Variants in LRP1B observed in about 807,000 individuals in gnomAD.
LRP1B encodes the protein LDL receptor related protein 1B, also known as low-density lipoprotein receptor-related protein 1B.
Under a neutral mutation model 556.6 loss-of-function variants are expected in LRP1B, and 217 were observed. That is an observed-to-expected ratio of 0.39 (90% CI 0.35 to 0.44). The LOEUF (loss-of-function observed/expected upper bound fraction) is 0.44, where lower values mean the gene tolerates loss of function less well. Ranked by LOEUF, LRP1B falls within the 20% of genes least tolerant of loss-of-function variation. The probability of loss-of-function intolerance (pLI) is 1.00; values close to 1 mark genes in which losing one functional copy is unlikely to be tolerated. For missense variants in LRP1B, 5,053 were observed against 5,620.8 expected (o/e 0.90, Z 3.23); for synonymous variants, 2,047 against 1,865.8 (o/e 1.10, Z -2.50).
intron 82 of LRP1B, among the ~76,000 whole-genome samples, chr2:140,318,876 A>G (rs1423766659): frequency 6.6e-6 from 1 of 152,184 alleles, no homozygotes; most frequent in Non-Finnish European, 1.5e-5. Flanking sequence ...GTCTACAAAC[A>G]TACATAGAAT....
intron 43 of LRP1B, among the ~76,000 whole-genome samples, chr2:140,588,966 GA>G (rs34845216): frequency 0.64 from 86,064 of 134,162 alleles, 25,663 homozygotes; most frequent in South Asian, 0.74. Flanking sequence ...CCGTCTCAAA[GA>G]AAAAAAAAAA....
chr2:140,867,940 T>C, intron 26 of LRP1B, 106 bp from the exon 27 acceptor site: 2 of 1,322,184 alleles, frequency 1.5e-6, no homozygotes, highest in East Asian at 2.5e-5. Flanking sequence ...TTTATAAATA[T>C]TTTTATGGGT....
At chr2:142,020,834 G>A (rs1703305033) in intron 1 of LRP1B, among the ~76,000 whole-genome samples, 1 of 152,152 alleles carries the variant, frequency 6.6e-6, no homozygotes, top group African/African-American at 2.4e-5. Flanking sequence ...TTAATTTCAG[G>A]ATTTAGCATT....
intron 18 of LRP1B, among the ~76,000 whole-genome samples, chr2:140,974,488 T>C (rs527354631): frequency 6.6e-6 from 1 of 152,208 alleles, no homozygotes; most frequent in Admixed American, 6.5e-5. Flanking sequence ...TTATTTATAC[T>C]GTGAAAACTA....
intron 1 of LRP1B, among the ~76,000 whole-genome samples, chr2:141,989,319 C>T (rs758340898): frequency 2.6e-5 from 4 of 151,906 alleles, no homozygotes; most frequent in Middle Eastern, 3.4e-3. Context: ...TGATTTCTTC[C>T]TCTGATGACT....
intron 55 of LRP1B, 139 bp downstream of exon 55, chr2:140,501,548 C>T: frequency 2.0e-6 from 1 of 499,602 alleles, no homozygotes; most frequent in Non-Finnish European, 3.3e-6. Context: ...ATTATGGTAT[C>T]TTCATATCGA....
chr2:140,711,377 T>G (rs1028038862), intron 37 of LRP1B, among the ~76,000 whole-genome samples: 3 of 151,990 alleles, frequency 2.0e-5, no homozygotes, highest in Non-Finnish European at 2.9e-5. Flanking sequence ...CATAGAGCTG[T>G]GTTGGTCACT....
chr2:141,239,434 A>G lies in LRP1B; in HGVS notation c.592+7792T>C, dbSNP rs149058336. On this transcript the variant is annotated intron_variant, in intron 5 of 90. Transcript: ENST00000389484. The stretch of plus-strand genomic sequence containing the variant: ...AAATGGAGAAGTAGCTGGACAGGAA[A>G]ATAGGTTTAAAGGAAGTTGTTTTGC... Among the ~76,000 whole-genome samples the G allele has an allele frequency of 6.3e-3, 955 of 152,234 alleles. 3 individuals carry two copies. The highest frequency in any genetic ancestry group is 0.02 in the Middle Eastern group (6 of 294).
rs537895415 is a variant in LRP1B at position 140,787,092 on chromosome 2, C to T, written c.5360-10854G>A. On this transcript the variant is annotated intron_variant, in intron 32 of 90. Coordinates refer to ENST00000389484, the MANE Select transcript of LRP1B (RefSeq NM_018557.3). ...AGAACTACTCAGCTAACAGAGCAAA[C>T]TATTTAAACATTTTAATTTAATACA... Among the ~76,000 whole-genome samples the T allele has an allele frequency of 9.6e-4, 146 of 152,314 alleles. No individual in the cohort carries two copies. In the Middle Eastern group the frequency reaches 0.027, roughly 28 times the overall value.
At chr2:140,464,225 TA>T (rs1000055507) in intron 60 of LRP1B, among the ~76,000 whole-genome samples, 15 of 151,312 alleles carry the variant, frequency 9.9e-5, no homozygotes, top group African/African-American at 2.2e-4. Flanking sequence ...ATAAATAAAA[TA>T]AAAAAAGAAA....
chr2:140,370,974 T>C lies in LRP1B; in HGVS notation c.10876-132A>G, dbSNP rs570021165. ...CTTTCTTTCATTTTGTCTTAATGAA[T>C]ATAACTTCTACAAATGAGAATGAGC... On this transcript the variant is annotated intron_variant, in intron 70 of 90. Coordinates refer to ENST00000389484, the MANE Select transcript of LRP1B (RefSeq NM_018557.3). 23 of 1,033,048 alleles carry C rather than the reference T, an allele frequency of 2.2e-5. No individual in the cohort carries two copies. The African/African-American group carries it at 2.4e-4, about 11-fold the overall frequency. The allele number at this position is 1,033,048 out of a possible 1,614,324, so 64.0% of individuals were successfully genotyped here. A position where few individuals can be genotyped will look rare whatever the true frequency, so the allele number is the denominator to read the frequency against.
At chr2:142,017,661 G>T (rs1263981562) in intron 1 of LRP1B, among the ~76,000 whole-genome samples, 1 of 152,060 alleles carries the variant, frequency 6.6e-6, no homozygotes, top group African/African-American at 2.4e-5. Context: ...GATCACTTGT[G>T]CCCAAGAGTT....
chr2:142,059,379 TG>T (rs1328613083), intron 1 of LRP1B, among the ~76,000 whole-genome samples: 1 of 152,144 alleles, frequency 6.6e-6, no homozygotes, highest in African/African-American at 2.4e-5. Context: ...ATGTCAATAT[TG>T]TTTGTTCCTT....
At chr2:141,052,720 C>G (rs1012840176) in intron 10 of LRP1B, among the ~76,000 whole-genome samples, 2 of 152,000 alleles carry the variant, frequency 1.3e-5, no homozygotes, top group African/African-American at 4.8e-5. Flanking sequence ...TTATTGCAAC[C>G]TCTGCCACCT....
intron 3 of LRP1B, among the ~76,000 whole-genome samples, chr2:141,390,662 G>A (rs959985620): frequency 6.6e-6 from 1 of 152,164 alleles, no homozygotes; most frequent in Non-Finnish European, 1.5e-5. Flanking sequence ...ATTATGCTAA[G>A]TGAAAGAAGC....
At chr2:140,402,799 G>T (rs569585085) in intron 66 of LRP1B, among the ~76,000 whole-genome samples, 1 of 152,258 alleles carries the variant, frequency 6.6e-6, no homozygotes, top group South Asian at 2.1e-4. Context: ...TCTACCCAGG[G>T]ATACCTCCTC....
rs145855471 is a variant in LRP1B at position 141,336,732 on chromosome 2, T to C, written c.344-82091A>G. ...AGTCATAATTTCTCCCTAATCCTAA[T>C]CACTATCAACCCCTGATTTGATTTC... On this transcript the variant is annotated intron_variant, in intron 3 of 90. Transcript: ENST00000389484. Among the ~76,000 whole-genome samples the C allele has an allele frequency of 8.5e-3, 1,289 of 152,056 alleles. 13 individuals are homozygous for C. Among genetic ancestry groups the C allele is most frequent in the African/African-American group, 0.027 (1,120 of 41,564 alleles).
At chr2:140,518,579 G>C (rs1474178553) in intron 49 of LRP1B, among the ~76,000 whole-genome samples, 5 of 152,124 alleles carry the variant, frequency 3.3e-5, no homozygotes, top group Non-Finnish European at 7.4e-5. Context: ...GTTGTAAACA[G>C]AAAATTAAGA....
intron 86 of LRP1B, among the ~76,000 whole-genome samples, chr2:140,250,257 C>T (rs528694972): frequency 2.7e-4 from 41 of 151,818 alleles, no homozygotes; most frequent in Non-Finnish European, 4.4e-4. Context: ...TCAGCTTTAT[C>T]TTATGTGCTG....
Sources: gnomAD v4.1 joint callset for allele counts (sites outside exome capture counted in the v4.1 genomes callset) on GRCh38, gnomAD v4.1.1 for gene constraint, MANE v1.5 for transcripts, NCBI Gene and HGNC (gene_info 2026-07-23, HGNC 2026-07-21) for gene names.